Variants in TTC39B observed in about 807,000 individuals in gnomAD.
TTC39B encodes the protein tetratricopeptide repeat domain 39B.
TTC39B carries 92 observed loss-of-function variants against 96.6 expected under a neutral mutation model. The observed-to-expected ratio is 0.95, with a 90% confidence interval of 0.80 to 1.13. The LOEUF (loss-of-function observed/expected upper bound fraction) is 1.13, where lower values mean the gene tolerates loss of function less well. TTC39B is among the 50% of genes most tolerant of loss of function. The pLI is 0.00. For synonymous variants in TTC39B, 367 were observed against 299.4 expected (o/e 1.23, Z -2.33); for missense variants, 955 against 809.3 (o/e 1.18, Z -2.18).
chr9:15,301,826 T>G (rs1783368188), intron 1 of TTC39B, among the ~76,000 whole-genome samples: 2 of 151,928 alleles, frequency 1.3e-5, no homozygotes, highest in Non-Finnish European at 1.5e-5. Context: ...CATCTAAACT[T>G]CCAAAGAGAA....
chr9:15,199,734 CAAAAAAAAAAAAAAAAAAAAA>C (rs35361396), intron 8 of TTC39B, 106 bp downstream of exon 8: 8 of 70,684 alleles, frequency 1.1e-4, no homozygotes, highest in South Asian at 3.9e-4. Context: ...GACTCCGTCT[CAAAAAAAAAAAAAAAAAAAAA>C]AAAAAAAAAA....
intron 1 of TTC39B, among the ~76,000 whole-genome samples, chr9:15,302,849 C>CA (rs1476543316): frequency 6.8e-5 from 10 of 146,694 alleles, no homozygotes; most frequent in African/African-American, 1.5e-4. Flanking sequence ...CATCCCCCAC[C>CA]AAAAAAAGAA....
intron 15 of TTC39B, 81 bp downstream of exon 15, chr9:15,186,863 T>C: frequency 7.7e-7 from 1 of 1,302,350 alleles, no homozygotes; most frequent in East Asian, 2.4e-5. Flanking sequence ...GCCCAGCTAA[T>C]TTTTTGTATT....
intron 1 of TTC39B, among the ~76,000 whole-genome samples, chr9:15,275,935 G>T (rs780298689): frequency 1.3e-5 from 2 of 152,084 alleles, no homozygotes; most frequent in Admixed American, 6.5e-5. Context: ...AATTTAAAAA[G>T]ACCTCAGGAA....
At position 15,196,859 on chromosome 9, in the gene TTC39B, T is replaced by C. The variant is rs556903061; in HGVS notation, c.824+3002A>G. Among the ~76,000 whole-genome samples, 5 of 152,250 alleles carry C rather than the reference T, an allele frequency of 3.3e-5. No homozygotes were observed. In the South Asian group the frequency reaches 1.0e-3, roughly 32 times the overall value. On this transcript the variant is annotated intron_variant, in intron 8 of 19. Coordinates refer to ENST00000512701, the Ensembl canonical transcript of TTC39B. The stretch of plus-strand genomic sequence containing the variant: ...AATCTTTTATGAAAGGAAAAGTCAA[T>C]AGGTATGGCAAACTTCACTGCTGTC...
chr9:15,209,701 A>T (rs1483974609), intron 6 of TTC39B, among the ~76,000 whole-genome samples: 2 of 152,218 alleles, frequency 1.3e-5, no homozygotes, highest in Admixed American at 1.3e-4. Context: ...AAAACCATAG[A>T]GAAAAGCCAA....
At chr9:15,247,267 T>C (rs1822321168) in intron 2 of TTC39B, among the ~76,000 whole-genome samples, 1 of 152,210 alleles carries the variant, frequency 6.6e-6, no homozygotes, top group Non-Finnish European at 1.5e-5. Context: ...AGTGGTTTTA[T>C]CTTAAGATCA....
At chr9:15,249,994 AT>A (rs760983303) in intron 2 of TTC39B, 86 of 1,274,166 alleles carry the variant, frequency 6.7e-5, no homozygotes, top group South Asian at 3.0e-4. Flanking sequence ...CTTCTACCAG[AT>A]TTTTTTTTAA....
chr9:15,251,715 A>G (rs1586960274), intron 2 of TTC39B, among the ~76,000 whole-genome samples: 2 of 94,112 alleles, frequency 2.1e-5, no homozygotes, highest in Admixed American at 9.5e-5. Flanking sequence ...ATATATATAT[A>G]TATATATATA....
At chr9:15,180,099 G>C (rs767734341) in intron 17 of TTC39B, among the ~76,000 whole-genome samples, 1 of 152,142 alleles carries the variant, frequency 6.6e-6, no homozygotes, top group African/African-American at 2.4e-5. Context: ...AAAGCTACTA[G>C]AGTACAATTT....
chr9:15,289,328 G>A (rs1824095097), intron 1 of TTC39B, among the ~76,000 whole-genome samples: 1 of 152,180 alleles, frequency 6.6e-6, no homozygotes, highest in Non-Finnish European at 1.5e-5. Flanking sequence ...TTCCTGCTCT[G>A]TAAAACTCTA....
chr9:15,181,153 A>G (rs1818228544), intron 17 of TTC39B, among the ~76,000 whole-genome samples: 1 of 152,186 alleles, frequency 6.6e-6, no homozygotes, highest in African/African-American at 2.4e-5. Context: ...AGCTTGCTCA[A>G]ATAGACAGTA....
chr9:15,204,888 C>A (rs962514141), intron 6 of TTC39B, among the ~76,000 whole-genome samples: 4 of 152,174 alleles, frequency 2.6e-5, no homozygotes, highest in East Asian at 3.8e-4. Flanking sequence ...AAAACACACA[C>A]CCTAGCTTCC....
chr9:15,249,935 A>G, intron 2 of TTC39B: 1 of 1,280,784 alleles, frequency 7.8e-7, no homozygotes, highest in Non-Finnish European at 1.0e-6. Flanking sequence ...GAGCAGCTGT[A>G]ACTTTGGAGG....
intron 4 of TTC39B, among the ~76,000 whole-genome samples, chr9:15,212,639 C>T (rs373337206): frequency 4.6e-5 from 7 of 152,220 alleles, no homozygotes; most frequent in East Asian, 1.9e-4. Flanking sequence ...GTTGGTCAGG[C>T]TGGTCTCGAA....
At chr9:15,195,670 CAAAAAAAAAAAAA>C (rs35318510) in intron 8 of TTC39B, among the ~76,000 whole-genome samples, 1 of 66,318 alleles carries the variant, frequency 1.5e-5, no homozygotes, top group South Asian at 6.1e-4. Flanking sequence ...ACTCCATCTC[CAAAAAAAAAAAAA>C]AAAAAAAAAA....
chr9:15,267,058 G>T (rs10217255), intron 2 of TTC39B, among the ~76,000 whole-genome samples: 1 of 151,848 alleles, frequency 6.6e-6, no homozygotes, highest in Non-Finnish European at 1.5e-5. Context: ...CAACCTGGGC[G>T]ACAGAGCGAG....
intron 3 of TTC39B, 66 bp from the exon 4 acceptor site, chr9:15,214,315 AGTGTGT>A (rs199807096): frequency 1.1e-3 from 808 of 731,890 alleles, no homozygotes; most frequent in South Asian, 1.7e-3. Flanking sequence ...GTCCGAAGGG[AGTGTGT>A]GTGTGTGTGT....
intron 7 of TTC39B, among the ~76,000 whole-genome samples, chr9:15,202,753 T>G (rs1586861805): frequency 6.7e-6 from 1 of 149,480 alleles, no homozygotes; most frequent in East Asian, 2.0e-4. Flanking sequence ...AAAAAGATTG[T>G]GAGTGAGGGA....
Sources: gnomAD v4.1 joint callset for allele counts (sites outside exome capture counted in the v4.1 genomes callset) on GRCh38, gnomAD v4.1.1 for gene constraint, MANE v1.5 for transcripts, NCBI Gene and HGNC (gene_info 2026-07-23, HGNC 2026-07-21) for gene names.